LMO2: variants seen among roughly 807,000 people sequenced by gnomAD.
LMO2 encodes the protein LIM domain only 2, also known as rhombotin-2.
Under a neutral mutation model 23.2 loss-of-function variants are expected in LMO2, and 20 were observed. The observed-to-expected ratio is 0.86, with a 90% CI of 0.61 to 1.25. The LOEUF (loss-of-function observed/expected upper bound fraction) is 1.25, where lower values mean the gene tolerates loss of function less well. Among genes scored for constraint, LMO2 ranks in the 50% most tolerant of loss-of-function variants. The pLI is 0.00. For missense variants in LMO2, 270 were observed against 315.3 expected, an observed-to-expected ratio of 0.86 and a Z score of 1.09; for synonymous variants, 123 against 130.2, an observed-to-expected ratio of 0.94 and a Z score of 0.38.
At chr11:33,888,304 GCCAC>G (rs1323697103) in intron 1 of LMO2, among the ~76,000 whole-genome samples, 36 of 152,302 alleles carry the variant, frequency 2.4e-4, no homozygotes, top group Admixed American at 2.2e-3. Flanking sequence ...CATACTCTGT[GCCAC>G]TGCCAGGGGG....
intron 5 of LMO2, among the ~76,000 whole-genome samples, 198 bp from the exon 6 acceptor site, chr11:33,859,773 T>A (rs957658051): frequency 6.6e-6 from 1 of 152,070 alleles, no homozygotes; most frequent in Non-Finnish European, 1.5e-5. Context: ...GGCATTTGGA[T>A]CTGGCATAAC....
intron 2 of LMO2, among the ~76,000 whole-genome samples, chr11:33,872,125 T>G (rs887341088): frequency 6.6e-6 from 1 of 152,132 alleles, no homozygotes; most frequent in Non-Finnish European, 1.5e-5. Context: ...ACCCCATCTC[T>G]ACTAAAAATA....
At chr11:33,881,182 G>T (rs1049824694) in intron 2 of LMO2, 3 of 456,904 alleles carry the variant, frequency 6.6e-6, no homozygotes, top group Non-Finnish European at 1.3e-5. Flanking sequence ...CCTTTCCAAA[G>T]ACTTCGAGAC....
rs1856957053 is a variant in LMO2 at position 33,869,841 on chromosome 11, G to C, written c.-125C>G. 4 of 1,065,800 alleles carry C rather than the reference G, an allele frequency of 3.8e-6. No homozygotes were observed. The highest frequency in any genetic ancestry group is 1.7e-5 in the African/African-American group (1 of 59,050). 66.0% of individuals were successfully genotyped at this position (1,065,800 alleles called of 1,614,324 possible). A position where few individuals can be genotyped will look rare whatever the true frequency, so the allele number is the denominator to read the frequency against. On this transcript the variant is annotated 5_prime_UTR_variant, in exon 3 of 6. Coordinates refer to ENST00000257818, the MANE Select transcript of LMO2 (RefSeq NM_005574.4). ...CCCTCGCACCTTCGGCCCGGGTCGC[G>C]GCGCGCTGCTCGCCGCCGAGGGCAG...
At chr11:33,867,858 G>T (rs184134461) in intron 4 of LMO2, among the ~76,000 whole-genome samples, 309 of 152,318 alleles carry the variant, frequency 2.0e-3, no homozygotes, top group African/African-American at 7.1e-3. Flanking sequence ...AAATTCTGCT[G>T]ATCAAAAAGG....
intron 5 of LMO2, among the ~76,000 whole-genome samples, chr11:33,862,386 AC>A (rs151326311): frequency 0.025 from 3,768 of 152,150 alleles, 90 homozygotes; most frequent in Non-Finnish European, 0.037. Context: ...CATCACCGCC[AC>A]CCCACCACTC....
At chr11:33,884,361 G>A (rs1190163815) in intron 1 of LMO2, among the ~76,000 whole-genome samples, 1 of 152,096 alleles carries the variant, frequency 6.6e-6, no homozygotes, top group Non-Finnish European at 1.5e-5. Context: ...GAGTTTTCTT[G>A]CATATGATTA....
In LMO2 at chr11:33,891,346, A is replaced by AACACACAC. The variant is rs57617009; in HGVS notation, c.-336+441_-336+448dup. ...CGTCATTGCCTAAGGTTGTTAGGCA[A>AACACACAC]ACACACACACACACACACACACACA... is the stretch of plus-strand genomic sequence containing the variant. On this transcript the variant is annotated intron_variant, in intron 1 of 5. Coordinates refer to ENST00000257818, the MANE Select transcript of LMO2 (RefSeq NM_005574.4). 9.7e-3 allele frequency among the ~76,000 whole-genome samples: 1,209 copies of AACACACAC among 125,030 alleles called. 8 individuals are homozygous for AACACACAC. Among genetic ancestry groups the AACACACAC allele is most frequent in the African/African-American group, 0.023 (724 of 32,012 alleles). The allele number at this position is 125,030 out of a possible 152,430, so 82.0% of individuals were successfully genotyped here. A position where few individuals can be genotyped will look rare whatever the true frequency, so the allele number is the denominator to read the frequency against.
rs369465631 is a variant in LMO2, at chr11:33,872,189, G to A, written c.-271-2202C>T. On this transcript the variant is annotated intron_variant, in intron 2 of 5. Coordinates refer to ENST00000257818, the MANE Select transcript of LMO2 (RefSeq NM_005574.4). The stretch of plus-strand genomic sequence containing the variant: ...GCCTGTAACCCCAGCTACTCGGGAG[G>A]CTGAGGCAGGAGAATCACTTGAACC... Among the ~76,000 whole-genome samples the A allele has an allele frequency of 7.6e-4, 115 of 152,302 alleles. 1 individual carries two copies. In the East Asian group the frequency reaches 0.02, roughly 27 times the overall value.
chr11:33,881,399 G>A (rs994613930), intron 2 of LMO2: 1 of 456,536 alleles, frequency 2.2e-6, no homozygotes, highest in African/African-American at 2.0e-5. Context: ...GTCTTGGCAG[G>A]TTTATGCTAG....
intron 1 of LMO2, among the ~76,000 whole-genome samples, 156 bp from the exon 2 acceptor site, chr11:33,882,043 G>A (rs1003723138): frequency 6.6e-6 from 1 of 152,064 alleles, no homozygotes; most frequent in Non-Finnish European, 1.5e-5. Context: ...GATAGCAGGC[G>A]GGTGTCCTTG....
At chr11:33,859,995 A>G (rs1192874304) in intron 5 of LMO2, among the ~76,000 whole-genome samples, 2 of 152,152 alleles carry the variant, frequency 1.3e-5, no homozygotes, top group African/African-American at 4.8e-5. Context: ...GAGGGTACTG[A>G]CCAGGAATGC....
intron 2 of LMO2, among the ~76,000 whole-genome samples, chr11:33,872,313 A>G (rs901634911): frequency 4.6e-5 from 7 of 152,052 alleles, no homozygotes; most frequent in African/African-American, 1.7e-4. Context: ...CAAACAAACA[A>G]ATAAACTCCC....
rs896087128 is a variant in LMO2 at position 33,862,734 on chromosome 11, C to T, written c.464+1868G>A. Among the ~76,000 whole-genome samples the T allele has an allele frequency of 4.6e-5, 7 of 152,186 alleles. No individual in the cohort carries two copies. The South Asian group carries it at 6.2e-4, about 14-fold the overall frequency. The stretch of plus-strand genomic sequence containing the variant: ...ACCTTGGCTAAAGGACCATCCCTGA[C>T]GCAAAAGACAATTTTTCTCCTCTGT... On this transcript the variant is annotated intron_variant, in intron 5 of 5. Coordinates refer to ENST00000257818, the MANE Select transcript of LMO2 (RefSeq NM_005574.4).
intron 2 of LMO2, among the ~76,000 whole-genome samples, chr11:33,878,197 T>C (rs973188909): frequency 2.6e-5 from 4 of 152,056 alleles, no homozygotes; most frequent in Non-Finnish European, 5.9e-5. Flanking sequence ...TCCTGCTCAC[T>C]CCATTGATCC....
At position 33,860,193 on chromosome 11, in the gene LMO2, G is replaced by A. The variant is rs566120295; in HGVS notation, c.465-618C>T. 5.9e-5 allele frequency among the ~76,000 whole-genome samples: 9 copies of A among 152,278 alleles called. No homozygotes were observed. The South Asian group carries it at 1.2e-3, about 21-fold the overall frequency. The stretch of plus-strand genomic sequence containing the variant: ...CAGAAAACACGCGGTGCAGCTAATC[G>A]TGCCTCTGAGATATGGAGGACCAAC... On this transcript the variant is annotated intron_variant, in intron 5 of 5. Transcript: ENST00000257818.
At chr11:33,865,605 T>A (rs1011257034) in intron 4 of LMO2, among the ~76,000 whole-genome samples, 1 of 152,210 alleles carries the variant, frequency 6.6e-6, no homozygotes, top group Non-Finnish European at 1.5e-5. Flanking sequence ...TAAAATTGAT[T>A]TGGATAAAGT....
At chr11:33,888,807 G>A (rs1050522068) in intron 1 of LMO2, among the ~76,000 whole-genome samples, 5 of 152,176 alleles carry the variant, frequency 3.3e-5, no homozygotes, top group African/African-American at 4.8e-5. Flanking sequence ...TGACGTCTAC[G>A]TATCCGCAGT....
intron 5 of LMO2, among the ~76,000 whole-genome samples, chr11:33,862,518 G>A (rs754495801): frequency 6.6e-6 from 1 of 152,184 alleles, no homozygotes; most frequent in African/African-American, 2.4e-5. Context: ...CTGCATGGGG[G>A]TCTCATGAAT....
Sources: allele counts gnomAD v4.1 joint callset (sites outside exome capture counted in the v4.1 genomes callset), GRCh38; gene constraint gnomAD v4.1.1; transcripts MANE v1.5; gene names NCBI Gene and HGNC (gene_info 2026-07-23, HGNC 2026-07-21).